Variants in OXSR1 observed in about 807,000 individuals in gnomAD.
The protein encoded by OXSR1 is serine/threonine-protein kinase OSR1.
Under a neutral mutation model 79.8 loss-of-function variants are expected in OXSR1, and 24 were observed. That is an observed-to-expected ratio of 0.30 (90% CI 0.22 to 0.42). OXSR1 has a LOEUF of 0.42. Ranked by LOEUF, OXSR1 falls within the 10% of genes least tolerant of loss-of-function variation. The pLI is 1.00. For missense variants in OXSR1, 430 were observed against 618.4 expected (o/e 0.70, Z 3.23); for synonymous variants, 226 against 209.2 (o/e 1.08, Z -0.69).
chr3:38,251,000 A>G (rs1179125807), intron 15 of OXSR1, among the ~76,000 whole-genome samples: 1 of 152,238 alleles, frequency 6.6e-6, no homozygotes, highest in Non-Finnish European at 1.5e-5. Context: ...GCCCACCAGA[A>G]TAAAAAAGTA....
chr3:38,216,997 G>T (rs1056239447), intron 5 of OXSR1, among the ~76,000 whole-genome samples: 8 of 152,018 alleles, frequency 5.3e-5, no homozygotes, highest in Non-Finnish European at 1.0e-4. Flanking sequence ...GAGTAAAAGG[G>T]TAAACCACAG....
chr3:38,198,636 G>T, intron 3 of OXSR1, 86 bp from the exon 4 acceptor site: 1 of 965,916 alleles, frequency 1.0e-6, no homozygotes, highest in African/African-American at 1.6e-5. Flanking sequence ...TTATGAGAAG[G>T]TTCACATGTG....
intron 5 of OXSR1, among the ~76,000 whole-genome samples, chr3:38,217,673 G>C (rs996709816): frequency 1.3e-5 from 2 of 151,960 alleles, no homozygotes; most frequent in Non-Finnish European, 2.9e-5. Flanking sequence ...GATTACAGGC[G>C]TGCACCCCTC....
At chr3:38,218,363 T>G (rs1029973644) in intron 5 of OXSR1, among the ~76,000 whole-genome samples, 3 of 152,174 alleles carry the variant, frequency 2.0e-5, no homozygotes, top group Non-Finnish European at 4.4e-5. Context: ...TTCTAAGGGA[T>G]GTAAGGTGTT....
upstream of OXSR1, among the ~76,000 whole-genome samples, chr3:38,164,842 G>C (rs1701399881): frequency 6.6e-6 from 1 of 152,140 alleles, no homozygotes; most frequent in Non-Finnish European, 1.5e-5. Flanking sequence ...GCCGCGACAA[G>C]CGTTAGAGAG....
chr3:38,210,176 C>T (rs9870160), intron 4 of OXSR1, among the ~76,000 whole-genome samples: 4 of 151,780 alleles, frequency 2.6e-5, no homozygotes, highest in Non-Finnish European at 5.9e-5. Flanking sequence ...TCTTTTTCCT[C>T]TGACATCTAT....
chr3:38,208,383 A>T (rs1023253344), intron 4 of OXSR1, among the ~76,000 whole-genome samples: 9 of 152,196 alleles, frequency 5.9e-5, no homozygotes. Context: ...AAACTGAACG[A>T]TCATAAATTG....
chr3:38,204,073 C>T (rs1047508301), intron 4 of OXSR1, among the ~76,000 whole-genome samples: 5 of 152,170 alleles, frequency 3.3e-5, no homozygotes, highest in Admixed American at 3.3e-4. Flanking sequence ...CCACTCTTCC[C>T]CCCCCTTTCC....
chr3:38,195,512 C>T (rs1702058622), intron 3 of OXSR1, among the ~76,000 whole-genome samples: 1 of 152,178 alleles, frequency 6.6e-6, no homozygotes, highest in Admixed American at 6.5e-5. Context: ...TTGAAACCTT[C>T]TGAGGCTTAG....
chr3:38,255,147 CT>C lies in OXSR1; in HGVS notation c.*2259del, dbSNP rs1461322334. ...AGGAATGCTGATTCAGAGTGCACCT[CT>C]TTGACTAGGTCCCAGGATCCCCTTG... is the stretch of plus-strand genomic sequence containing the variant. On this transcript the variant is annotated 3_prime_UTR_variant, in exon 18 of 18. Coordinates refer to ENST00000311806, the MANE Select transcript of OXSR1 (RefSeq NM_005109.3). 1.3e-5 allele frequency: 2 copies of C among 152,664 alleles called. No homozygotes were observed. The highest frequency in any genetic ancestry group is 4.8e-5 in the African/African-American group (2 of 41,446). The allele number at this position is 152,664 out of a possible 1,614,324, so 9.5% of individuals were successfully genotyped here. A position where few individuals can be genotyped will look rare whatever the true frequency, so the allele number is the denominator to read the frequency against.
chr3:38,183,941 TGC>T (rs1447539029), intron 2 of OXSR1, among the ~76,000 whole-genome samples: 1 of 152,220 alleles, frequency 6.6e-6, no homozygotes, highest in African/African-American at 2.4e-5. Context: ...TAATAATACT[TGC>T]TTTGGATACC....
intron 5 of OXSR1, among the ~76,000 whole-genome samples, chr3:38,216,917 A>C (rs1167799740): frequency 5.3e-5 from 8 of 152,232 alleles, no homozygotes; most frequent in Non-Finnish European, 1.0e-4. Context: ...AAGATTGATA[A>C]ATTTGACTCC....
chr3:38,169,231 C>A (rs954958932), intron 1 of OXSR1, among the ~76,000 whole-genome samples: 1 of 151,764 alleles, frequency 6.6e-6, no homozygotes, highest in African/African-American at 2.4e-5. Flanking sequence ...ATTAGACTTT[C>A]ATGGATCTTC....
At position 38,165,638 on chromosome 3, in the gene OXSR1, G is replaced by A; in HGVS notation, c.-239G>A. On this transcript the variant is annotated 5_prime_UTR_variant, in exon 1 of 18. Coordinates refer to ENST00000311806, the MANE Select transcript of OXSR1 (RefSeq NM_005109.3). ...GGAGGCCGAGGACAGGACGTGGGCT[G>A]GGCCGGGCAGTGCCGGACTCGGAGG... 1.9e-6 allele frequency: 1 copy of A among 514,268 alleles called. No homozygotes were observed. The allele number at this position is 514,268 out of a possible 1,614,324, so 31.9% of individuals were successfully genotyped here.
At chr3:38,179,184 T>C (rs1355196627) in intron 1 of OXSR1, among the ~76,000 whole-genome samples, 1 of 151,974 alleles carries the variant, frequency 6.6e-6, no homozygotes, top group African/African-American at 2.4e-5. Context: ...ATGTGTGCCA[T>C]AACGCCTGGG....
intron 5 of OXSR1, among the ~76,000 whole-genome samples, chr3:38,220,596 A>C (rs1421954197): frequency 6.6e-6 from 1 of 152,200 alleles, no homozygotes; most frequent in Non-Finnish European, 1.5e-5. Flanking sequence ...GAAATTTTTG[A>C]AATACACTAG....
chr3:38,247,780 TGCATGTGCTGTAATA>T (rs1703173439), intron 14 of OXSR1, 48 bp downstream of exon 14: 1 of 1,192,812 alleles, frequency 8.4e-7, no homozygotes. Flanking sequence ...CTGAATATTC[TGCATGTGCTGTAATA>T]GTCTGTGCCT....
chr3:38,214,391 A>G (rs919528386), intron 4 of OXSR1, among the ~76,000 whole-genome samples: 1 of 152,162 alleles, frequency 6.6e-6, no homozygotes, highest in Non-Finnish European at 1.5e-5. Flanking sequence ...ATGGTGAAAT[A>G]AGGAAGGGAG....
chr3:38,175,274 G>A (rs1701656086), intron 1 of OXSR1, among the ~76,000 whole-genome samples: 1 of 152,038 alleles, frequency 6.6e-6, no homozygotes, highest in Non-Finnish European at 1.5e-5. Context: ...TTTCCTGACA[G>A]GAATATCTAC....
Sources: gnomAD v4.1 joint callset for allele counts (sites outside exome capture counted in the v4.1 genomes callset) on GRCh38, gnomAD v4.1.1 for gene constraint, MANE v1.5 for transcripts, NCBI Gene and HGNC (gene_info 2026-07-23, HGNC 2026-07-21) for gene names.